DAB2IP: variants seen among roughly 807,000 people sequenced by gnomAD.
DAB2IP encodes the protein disabled homolog 2-interacting protein.
In DAB2IP, 28 loss-of-function variants were observed where a neutral mutation model predicts 107.2. That is an observed-to-expected ratio of 0.26 (90% CI 0.19 to 0.36). DAB2IP has a LOEUF of 0.36. DAB2IP is among the 10% of genes least tolerant of loss of function. The pLI, the probability that DAB2IP is intolerant of heterozygous loss-of-function variation, is 1.00. For synonymous variants in DAB2IP, 755 were observed against 706.4 expected, an observed-to-expected ratio of 1.07 and a Z score of -1.09; for missense variants, 1,400 against 1,644.7, an observed-to-expected ratio of 0.85 and a Z score of 2.57.
chr9:121,735,985 C>T (rs1260220540), intron 3 of DAB2IP, among the ~76,000 whole-genome samples: 2 of 152,238 alleles, frequency 1.3e-5, no homozygotes, highest in South Asian at 4.1e-4. Flanking sequence ...TGCACCCGAC[C>T]TTTCCCTTCT....
At chr9:121,572,433 C>T (rs1010495111) in intron 1 of DAB2IP, among the ~76,000 whole-genome samples, 7 of 150,510 alleles carry the variant, frequency 4.7e-5, no homozygotes, top group East Asian at 3.8e-4. Context: ...AATAAGTGAG[C>T]GAGAGTGAGT....
chr9:121,715,918 A>G (rs909881744), intron 3 of DAB2IP, among the ~76,000 whole-genome samples: 1 of 152,186 alleles, frequency 6.6e-6, no homozygotes, highest in African/African-American at 2.4e-5. Context: ...AGCAGCAGAT[A>G]AGGAGAGTCC....
In DAB2IP at chr9:121,699,748, C is replaced by T. The variant is rs554540537; in HGVS notation, c.362+290C>T. Among the ~76,000 whole-genome samples, 5 of 152,308 alleles carry T rather than the reference C, an allele frequency of 3.3e-5. No homozygotes were observed. The highest frequency in any genetic ancestry group is 5.9e-5 in the Non-Finnish European group (4 of 68,006). On this transcript the variant is annotated intron_variant, in intron 3 of 15. Coordinates refer to ENST00000408936, the Ensembl canonical transcript of DAB2IP. This position sits in a 1 kb window ranked among gnomAD's most constrained non-coding sequence, Gnocchi z 6.2. ...GTCCCCTCGCAGGGAAGTCCTGCCT[C>T]GCCTGTCCGAGGTGGGCATTGTTTC...
At chr9:121,601,589 C>G (rs1218570001) in intron 1 of DAB2IP, among the ~76,000 whole-genome samples, 1 of 152,208 alleles carries the variant, frequency 6.6e-6, no homozygotes, top group African/African-American at 2.4e-5. Context: ...GCATTCAACA[C>G]ACAGGCACTG....
At chr9:121,779,946 C>T (rs977782457) in intron 14 of DAB2IP, among the ~76,000 whole-genome samples, 2 of 152,240 alleles carry the variant, frequency 1.3e-5, no homozygotes, top group Non-Finnish European at 2.9e-5. Context: ...TCCGCCTTCC[C>T]TCTGCTTCCA....
At position 121,782,214 on chromosome 9, in the gene DAB2IP, G is replaced by T; in HGVS notation, c.3403-117G>T. 1 of 1,488,336 alleles carries T rather than the reference G, an allele frequency of 6.7e-7. No individual in the cohort carries two copies. Among genetic ancestry groups the T allele is most frequent in the Non-Finnish European group, 9.0e-7 (1 of 1,113,198 alleles). 92.2% of individuals were successfully genotyped at this position (1,488,336 alleles called of 1,614,324 possible). On this transcript the variant is annotated intron_variant, in intron 15 of 15. Coordinates refer to ENST00000408936, the Ensembl canonical transcript of DAB2IP. The surrounding 1 kb of genome is among the most constrained non-coding windows in gnomAD (Gnocchi z 6.1). ...TTCTCTTGCCAGCTGCTCACAGCCC[G>T]GAGCCTGCCTGCCACCCTCATCTCC...
At chr9:121,656,376 G>A (rs933421422) in intron 1 of DAB2IP, among the ~76,000 whole-genome samples, 4 of 152,204 alleles carry the variant, frequency 2.6e-5, no homozygotes, top group African/African-American at 4.8e-5. Context: ...TGAGTTGGGC[G>A]AGCCTGAGAA....
Position 121,698,993 on chromosome 9 carries a change from G to C in DAB2IP, c.229-332G>C, listed in dbSNP as rs1405689583. On this transcript the variant is annotated intron_variant, in intron 2 of 15. Coordinates refer to ENST00000408936, the Ensembl canonical transcript of DAB2IP. This position sits in a 1 kb window ranked among gnomAD's most constrained non-coding sequence, Gnocchi z 4.1. ...CTCCGCAGCCCCGCCCCCTCGTCCCGGTACTCCCCCTCGCCCCGGCGCCCG... is the reference window on the plus strand; with the variant it reads ...CTCCGCAGCCCCGCCCCCTCGTCCCCGTACTCCCCCTCGCCCCGGCGCCCG... 1.2e-4 allele frequency among the ~76,000 whole-genome samples: 18 copies of C among 151,630 alleles called. No homozygotes were observed. In the East Asian group the frequency reaches 3.3e-3, roughly 28 times the overall value.
In DAB2IP at chr9:121,684,507, G is replaced by A. The variant is rs1230181099; in HGVS notation, c.228+5726G>A. Among the ~76,000 whole-genome samples the A allele has an allele frequency of 2.0e-5, 3 of 152,190 alleles. No homozygotes were observed. Among genetic ancestry groups the A allele is most frequent in the African/African-American group, 7.2e-5 (3 of 41,452 alleles). On this transcript the variant is annotated intron_variant, in intron 2 of 15. Coordinates refer to ENST00000408936, the Ensembl canonical transcript of DAB2IP. The surrounding 1 kb of genome is among the most constrained non-coding windows in gnomAD (Gnocchi z 4.0). The stretch of plus-strand genomic sequence containing the variant: ...GTTCTTTGGTCCAACTGCCCTCGGA[G>A]CCCCACGACAGCTCCTTCCCGCTCA...
At chr9:121,620,179 G>A (rs569082559) in intron 1 of DAB2IP, among the ~76,000 whole-genome samples, 2 of 152,322 alleles carry the variant, frequency 1.3e-5, no homozygotes, top group African/African-American at 4.8e-5. Flanking sequence ...TCAAATGGGC[G>A]GCTCCGACTC....
chr9:121,640,020 C>T (rs1832224214), intron 1 of DAB2IP, among the ~76,000 whole-genome samples: 2 of 152,200 alleles, frequency 1.3e-5, no homozygotes, highest in African/African-American at 2.4e-5. Flanking sequence ...CTGGGCATCC[C>T]CTTCCTTGCA....
intron 1 of DAB2IP, among the ~76,000 whole-genome samples, chr9:121,589,061 C>T (rs1043051694): frequency 3.9e-5 from 6 of 152,148 alleles, no homozygotes; most frequent in African/African-American, 1.2e-4. Context: ...CCCTTCCCTG[C>T]CTCCTACTCA....
intron 1 of DAB2IP, among the ~76,000 whole-genome samples, chr9:121,668,907 C>CTTTTTTTTTTTTTTTTTTT (rs377320590): frequency 1.4e-5 from 1 of 72,154 alleles, no homozygotes; most frequent in African/African-American, 6.0e-5. Flanking sequence ...GTAAGCCTTA[C>CTTTTTTTTTTTTTTTTTTT]TTTTTTTTTT....
rs114837753 is a variant in DAB2IP, at chr9:121,734,564, G to A, written c.363-22449G>A. On this transcript the variant is annotated intron_variant, in intron 3 of 15. Transcript: ENST00000408936. ...ATGCAGGCTCATTTCTTGTTAGCTC[G>A]TGACTCCTTACTATGAGAGCTGTCA... Among the ~76,000 whole-genome samples, 702 of 152,308 alleles carry A rather than the reference G, an allele frequency of 4.6e-3. 6 individuals carry two copies. The highest frequency in any genetic ancestry group is 0.015 in the African/African-American group (640 of 41,566).
chr9:121,759,290 GC>G (rs911672413), intron 5 of DAB2IP, among the ~76,000 whole-genome samples: 6 of 152,162 alleles, frequency 3.9e-5, no homozygotes, highest in Admixed American at 3.9e-4. Context: ...CTACTCCCCA[GC>G]CCCTGGCTGA....
At chr9:121,638,480 G>A (rs1194423440) in intron 1 of DAB2IP, among the ~76,000 whole-genome samples, 1 of 152,190 alleles carries the variant, frequency 6.6e-6, no homozygotes, top group Non-Finnish European at 1.5e-5. Flanking sequence ...GGCGCAGGGA[G>A]CTCAGAGAGA....
At chr9:121,775,073 G>A (rs1835101942) in intron 13 of DAB2IP, among the ~76,000 whole-genome samples, 1 of 152,222 alleles carries the variant, frequency 6.6e-6, no homozygotes, top group African/African-American at 2.4e-5. Flanking sequence ...TGCTTCGTTG[G>A]TCTCCCAAGC....
upstream of DAB2IP, among the ~76,000 whole-genome samples, chr9:121,650,358 C>G (rs868229861): frequency 6.6e-6 from 1 of 152,228 alleles, no homozygotes; most frequent in Non-Finnish European, 1.5e-5. Flanking sequence ...GGACCCTCCC[C>G]GCTGGCTGAG....
intron 1 of DAB2IP, 98 bp from the exon 2 acceptor site, chr9:121,678,580 T>G: frequency 9.7e-7 from 1 of 1,027,882 alleles, no homozygotes; most frequent in Non-Finnish European, 1.3e-6. Context: ...TAGGGACCGG[T>G]TTGTCTGTTG....
Sources: gnomAD v4.1 joint callset for allele counts (sites outside exome capture counted in the v4.1 genomes callset) on GRCh38, gnomAD v4.1.1 for gene constraint, Gnocchi (gnomAD v3.1) non-coding constraint, MANE v1.5 for transcripts, NCBI Gene and HGNC (gene_info 2026-07-23, HGNC 2026-07-21) for gene names.